The following SCLT1 variants were observed in gnomAD, a reference collection of about 807,000 sequenced individuals.
SCLT1 encodes the protein sodium channel and clathrin linker 1, also known as sodium channel-associated protein 1.
Under a neutral mutation model 112.8 loss-of-function variants are expected in SCLT1, and 78 were observed. That is an observed-to-expected ratio of 0.69 (90% CI 0.58 to 0.83). The LOEUF is 0.83. SCLT1 is among the 40% of genes least tolerant of loss of function. The pLI is 0.00. For synonymous variants in SCLT1, 257 were observed against 254.7 expected (o/e 1.01, Z -0.09); for missense variants, 747 against 770.4 (o/e 0.97, Z 0.36).
intron 1 of SCLT1, among the ~76,000 whole-genome samples, chr4:129,090,467 A>T (rs1041612488): frequency 1.3e-5 from 2 of 152,212 alleles, no homozygotes; most frequent in African/African-American, 2.4e-5. Flanking sequence ...TGAACCATAG[A>T]TCTAAATGTA....
chr4:128,956,407 G>A (rs569394413), intron 13 of SCLT1, among the ~76,000 whole-genome samples: 3 of 152,070 alleles, frequency 2.0e-5, no homozygotes, highest in Non-Finnish European at 4.4e-5. Context: ...CAGAGCTCCT[G>A]CAGAAAGGAT....
intron 18 of SCLT1, among the ~76,000 whole-genome samples, chr4:128,915,402 T>G (rs1735399020): frequency 6.6e-6 from 1 of 152,244 alleles, no homozygotes; most frequent in African/African-American, 2.4e-5. Flanking sequence ...AAAAACTATT[T>G]CACCCAATTA....
At chr4:128,992,794 C>T (rs1213647393) in intron 8 of SCLT1, among the ~76,000 whole-genome samples, 2 of 151,932 alleles carry the variant, frequency 1.3e-5, no homozygotes, top group Non-Finnish European at 2.9e-5. Context: ...AAATAAATGA[C>T]ACGTTTTGGA....
At chr4:129,069,949 AG>A (rs1164264827) in intron 2 of SCLT1, among the ~76,000 whole-genome samples, 2 of 152,022 alleles carry the variant, frequency 1.3e-5, no homozygotes, top group Non-Finnish European at 2.9e-5. Flanking sequence ...TTTTGTTGAG[AG>A]TTTTAATCCT....
chr4:129,043,004 CAG>C (rs1462092381), intron 4 of SCLT1, among the ~76,000 whole-genome samples: 1 of 151,804 alleles, frequency 6.6e-6, no homozygotes, highest in Non-Finnish European at 1.5e-5. Context: ...ACCAGGGAGT[CAG>C]AGGTTGCAGA....
chr4:129,055,104 C>T (rs1478238219), intron 2 of SCLT1, among the ~76,000 whole-genome samples: 1 of 152,202 alleles, frequency 6.6e-6, no homozygotes, highest in Non-Finnish European at 1.5e-5. Context: ...GGCTGCAGAA[C>T]AGCAAAGATG....
At chr4:128,897,274 A>G (rs936358121) in intron 18 of SCLT1, among the ~76,000 whole-genome samples, 44 of 152,146 alleles carry the variant, frequency 2.9e-4, no homozygotes, top group Admixed American at 7.2e-4. Context: ...AGCCAGAGAG[A>G]AAGATCGGGT....
At chr4:129,058,388 C>G (rs1749642990) in intron 2 of SCLT1, among the ~76,000 whole-genome samples, 1 of 151,534 alleles carries the variant, frequency 6.6e-6, no homozygotes, top group Non-Finnish European at 1.5e-5. Context: ...TTGCTGTATC[C>G]CATTGTTTTT....
chr4:129,003,828 A>G lies in SCLT1; in HGVS notation c.339T>C (p.Phe113=). The G allele has an allele frequency of 6.2e-7, 1 of 1,611,192 alleles. No individual in the cohort carries two copies. The highest frequency in any genetic ancestry group is 8.5e-7 in the Non-Finnish European group (1 of 1,177,980). The change falls in exon 6 of 21, where the codon TTT becomes TTC. Residue 113 remains phenylalanine, a synonymous_variant. Transcript: ENST00000281142. ...KDAVEKKLEA[F]PLGTEVGTDI... ...CAGTTCCTACCTCTGTGCCCAGGGG[A>G]AAGGCCTCCAATTTTTTTTCAACAG...
intron 5 of SCLT1, among the ~76,000 whole-genome samples, chr4:129,025,829 G>C (rs1309273035): frequency 6.6e-6 from 1 of 151,608 alleles, no homozygotes; most frequent in Admixed American, 6.6e-5. Context: ...GACACACATA[G>C]GCTCAAAATA....
intron 1 of SCLT1, among the ~76,000 whole-genome samples, chr4:129,091,195 C>T (rs866332296): frequency 1.1e-4 from 16 of 152,124 alleles, no homozygotes; most frequent in Middle Eastern, 3.4e-3. Context: ...AAAAGGAGAG[C>T]GACACAGACA....
intron 18 of SCLT1, among the ~76,000 whole-genome samples, chr4:128,923,249 C>T (rs1256064389): frequency 6.6e-6 from 1 of 151,992 alleles, no homozygotes; most frequent in African/African-American, 2.4e-5. Flanking sequence ...AGTTTGAGAC[C>T]AGCCTCGCCA....
At chr4:129,088,882 C>A (rs546838178) in intron 1 of SCLT1, among the ~76,000 whole-genome samples, 1 of 152,286 alleles carries the variant, frequency 6.6e-6, no homozygotes, top group South Asian at 2.1e-4. Context: ...AAATGTAAGA[C>A]CTAAAACTAT....
chr4:129,001,545 T>C (rs955417209), intron 6 of SCLT1, among the ~76,000 whole-genome samples: 1 of 152,114 alleles, frequency 6.6e-6, no homozygotes, highest in Non-Finnish European at 1.5e-5. Flanking sequence ...AATTTTTATA[T>C]TCAGTTCTTT....
chr4:129,054,891 TCTA>T (rs1186830302), intron 2 of SCLT1, among the ~76,000 whole-genome samples: 3 of 152,246 alleles, frequency 2.0e-5, no homozygotes, highest in Non-Finnish European at 2.9e-5. Context: ...CATGGATTTA[TCTA>T]CGTGGTGGAT....
chr4:129,052,238 T>A (rs919986047), intron 2 of SCLT1, among the ~76,000 whole-genome samples: 2 of 152,210 alleles, frequency 1.3e-5, no homozygotes, highest in African/African-American at 4.8e-5. Flanking sequence ...GTTGGCCTCA[T>A]AAAATGAGTT....
At chr4:128,877,627 G>A (rs1245778706) in intron 3 of SCLT1, among the ~76,000 whole-genome samples, 1 of 152,084 alleles carries the variant, frequency 6.6e-6, no homozygotes, top group African/African-American at 2.4e-5. Flanking sequence ...GTTGCAGTGA[G>A]CTGAGATTGT....
At chr4:129,062,971 G>A (rs1477767810) in intron 2 of SCLT1, among the ~76,000 whole-genome samples, 1 of 152,112 alleles carries the variant, frequency 6.6e-6, no homozygotes, top group Non-Finnish European at 1.5e-5. Context: ...TAAGCTTTGT[G>A]CTTCTTTTTT....
chr4:129,069,678 T>C (rs1309260697), intron 2 of SCLT1, among the ~76,000 whole-genome samples: 2 of 152,160 alleles, frequency 1.3e-5, no homozygotes, highest in Admixed American at 6.5e-5. Flanking sequence ...GTTTTCAAGG[T>C]AAATGATCAT....
Sources: gnomAD v4.1 joint callset for allele counts (sites outside exome capture counted in the v4.1 genomes callset) on GRCh38, gnomAD v4.1.1 for gene constraint, MANE v1.5 for transcripts, NCBI Gene and HGNC (gene_info 2026-07-23, HGNC 2026-07-21) for gene names.